ACOX3: variants seen among roughly 807,000 people sequenced by gnomAD.
ACOX3 encodes peroxisomal acyl-coenzyme A oxidase 3.
A neutral mutation model predicts 81.5 loss-of-function variants in ACOX3; 73 were observed. The observed-to-expected ratio is 0.90, with a 90% CI of 0.74 to 1.09. The LOEUF (loss-of-function observed/expected upper bound fraction) is 1.09, where lower values mean the gene tolerates loss of function less well. Ranked by LOEUF, ACOX3 falls within the 50% of genes least tolerant of loss-of-function variation. ACOX3 has a pLI of 0.00. For synonymous variants in ACOX3, 387 were observed against 375.1 expected, an observed-to-expected ratio of 1.03 and a Z score of -0.37; for missense variants, 947 against 928.0, an observed-to-expected ratio of 1.02 and a Z score of -0.27.
chr4:8,358,440 G>C, the ACOX3 span: 1 of 141,692 alleles, frequency 7.1e-6, no homozygotes, highest in Non-Finnish European at 1.5e-5. Context: ...TTGCCAATCA[G>C]GAAATTTTTG....
intron 1 of ACOX3, among the ~76,000 whole-genome samples, chr4:8,427,994 A>C (rs1001300224): frequency 3.9e-5 from 6 of 152,232 alleles, no homozygotes; most frequent in Non-Finnish European, 5.9e-5. Flanking sequence ...GGCTTCTGTC[A>C]TTCACATGAG....
intron 1 of ACOX3, among the ~76,000 whole-genome samples, chr4:8,417,098 G>A (rs939819373): frequency 5.3e-5 from 8 of 152,192 alleles, no homozygotes; most frequent in Non-Finnish European, 1.0e-4. Flanking sequence ...CTGGCTTCCC[G>A]CTAACACAGC....
At chr4:8,395,892 C>T (rs1578915932) in intron 9 of ACOX3, among the ~76,000 whole-genome samples, 1 of 152,270 alleles carries the variant, frequency 6.6e-6, no homozygotes, top group Non-Finnish European at 1.5e-5. Flanking sequence ...TACCTTTATT[C>T]ATGCACAGCT....
chr4:8,356,466 C>A, the ACOX3 span: 1 of 439,440 alleles, frequency 2.3e-6, no homozygotes, highest in Non-Finnish European at 4.6e-6. Flanking sequence ...GTTTGCTAAA[C>A]TTGTACATTC....
At chr4:8,434,165 C>T (rs577714434) in intron 1 of ACOX3, among the ~76,000 whole-genome samples, 14 of 152,290 alleles carry the variant, frequency 9.2e-5, no homozygotes, top group African/African-American at 3.4e-4. Flanking sequence ...TTAGCTGATC[C>T]ATGTAGCCCC....
chr4:8,421,889 C>T (rs1722985129), intron 1 of ACOX3, among the ~76,000 whole-genome samples: 1 of 152,192 alleles, frequency 6.6e-6, no homozygotes, highest in Non-Finnish European at 1.5e-5. Context: ...AATTTCTACC[C>T]AGCTTACCTC....
intron 1 of ACOX3, among the ~76,000 whole-genome samples, chr4:8,440,303 T>C (rs1724537874): frequency 1.3e-5 from 2 of 152,248 alleles, no homozygotes; most frequent in South Asian, 2.1e-4. Context: ...CTGAGGAGTT[T>C]TGTCTGTGGC....
chr4:8,424,605 T>G (rs1351499045), intron 1 of ACOX3, among the ~76,000 whole-genome samples: 3 of 152,356 alleles, frequency 2.0e-5, no homozygotes, highest in Non-Finnish European at 2.9e-5. Context: ...GCATACTCAC[T>G]GCTAAAGGAG....
At position 8,374,003 on chromosome 4, in the gene ACOX3, T is replaced by A; in HGVS notation, c.1829-375A>T. On this transcript the variant is annotated intron_variant, in intron 15 of 17. Transcript: ENST00000356406. The stretch of plus-strand genomic sequence containing the variant: ...CTGGGCAGAGTGAAGCAGGGGTGCA[T>A]GGCAGGGGGCGCAGGGGCGAGGGGG... 1.1e-5 allele frequency: 2 copies of A among 184,814 alleles called. 1 individual carries two copies. Among genetic ancestry groups the A allele is most frequent in the South Asian group, 1.7e-4 (2 of 11,626 alleles). 11.4% of individuals were successfully genotyped at this position (184,814 alleles called of 1,614,324 possible). A position where few individuals can be genotyped will look rare whatever the true frequency, so the allele number is the denominator to read the frequency against.
Position 8,406,249 on chromosome 4 carries a change from T to C in ACOX3, c.688-206A>G, listed in dbSNP as rs966138170. ...ATTTGGAAATAGGGTCCTGCAGATATAATGAATTTAAGAGCATCAAGATAA... is the reference window on the plus strand; with the variant it reads ...ATTTGGAAATAGGGTCCTGCAGATACAATGAATTTAAGAGCATCAAGATAA... On this transcript the variant is annotated intron_variant, in intron 6 of 17. Coordinates refer to ENST00000356406, the MANE Select transcript of ACOX3 (RefSeq NM_003501.3). This position sits in a 1 kb window ranked among gnomAD's most constrained non-coding sequence, Gnocchi z 5.6. 3.9e-5 allele frequency among the ~76,000 whole-genome samples: 6 copies of C among 152,278 alleles called. No individual in the cohort carries two copies. Among genetic ancestry groups the C allele is most frequent in the South Asian group, 4.1e-4 (2 of 4,830 alleles).
In ACOX3 at chr4:8,410,103, G is replaced by A. The variant is rs571145003; in HGVS notation, c.687+109C>T. ...GGCAGTGTCCCTGGTCCACTCACCA[G>A]ATGCCAGAAGCATGCCCCACCCTTG... On this transcript the variant is annotated intron_variant, in intron 6 of 17. Transcript: ENST00000356406. The A allele has an allele frequency of 2.9e-6, 4 of 1,400,010 alleles. No individual in the cohort carries two copies. The East Asian group carries it at 1.0e-4, about 35-fold the overall frequency. The allele number at this position is 1,400,010 out of a possible 1,614,324, so 86.7% of individuals were successfully genotyped here. A position where few individuals can be genotyped will look rare whatever the true frequency, so the allele number is the denominator to read the frequency against.
In ACOX3 at chr4:8,374,964, G is replaced by A. The variant is rs778815774; in HGVS notation, c.1828+14C>T. On this transcript the variant is annotated intron_variant, in intron 15 of 17. Transcript: ENST00000356406. ...CTCTGGGGAGGACAGCAAGCCCGCAGTCAGAAGCCTCACCTCGGTAGAGCA... is the reference window on the plus strand; with the variant it reads ...CTCTGGGGAGGACAGCAAGCCCGCAATCAGAAGCCTCACCTCGGTAGAGCA... 19 of 1,496,400 alleles carry A rather than the reference G, an allele frequency of 1.3e-5. No homozygotes were observed. Among genetic ancestry groups the A allele is most frequent in the Non-Finnish European group, 1.7e-5 (19 of 1,114,862 alleles). The allele number at this position is 1,496,400 out of a possible 1,614,324, so 92.7% of individuals were successfully genotyped here. A position where few individuals can be genotyped will look rare whatever the true frequency, so the allele number is the denominator to read the frequency against.
chr4:8,396,533 C>T (rs556890200), intron 9 of ACOX3, among the ~76,000 whole-genome samples: 3 of 152,086 alleles, frequency 2.0e-5, no homozygotes, highest in South Asian at 2.1e-4. Flanking sequence ...AAAAATTAGC[C>T]GGGCATGGTG....
In ACOX3 at chr4:8,419,806, G is replaced by A. The variant is rs7668289; in HGVS notation, c.-14-3271C>T. On this transcript the variant is annotated intron_variant, in intron 1 of 17. Transcript: ENST00000356406. The surrounding 1 kb of genome is among the most constrained non-coding windows in gnomAD (Gnocchi z 4.2). The stretch of plus-strand genomic sequence containing the variant: ...AGCCTCTCAGCCCTGACCCAGCTTC[G>A]CCTCCTGCACCCCAGTTCCACACTG... Among the ~76,000 whole-genome samples the A allele has an allele frequency of 3.8e-3, 577 of 152,130 alleles. 3 individuals carry two copies. Among genetic ancestry groups the A allele is most frequent in the African/African-American group, 0.013 (547 of 41,478 alleles).
At chr4:8,436,940 C>T (rs74408040) in intron 1 of ACOX3, among the ~76,000 whole-genome samples, 12 of 140,732 alleles carry the variant, frequency 8.5e-5, no homozygotes, top group Admixed American at 2.9e-4. Flanking sequence ...TGCAGTGAGC[C>T]GAGATCACAC....
intron 1 of ACOX3, among the ~76,000 whole-genome samples, chr4:8,435,939 G>A (rs1328039852): frequency 1.3e-5 from 2 of 152,072 alleles, no homozygotes; most frequent in African/African-American, 4.8e-5. Context: ...GGGGAAGATC[G>A]GAGCCTCAAG....
In ACOX3 at chr4:8,423,550, C is replaced by T. The variant is rs963917311; in HGVS notation, c.-14-7015G>A. Among the ~76,000 whole-genome samples, 23 of 152,242 alleles carry T rather than the reference C, an allele frequency of 1.5e-4. No individual in the cohort carries two copies. The highest frequency in any genetic ancestry group is 5.9e-4 in the Admixed American group (9 of 15,290). On this transcript the variant is annotated intron_variant, in intron 1 of 17. Coordinates refer to ENST00000356406, the MANE Select transcript of ACOX3 (RefSeq NM_003501.3). This position sits in a 1 kb window ranked among gnomAD's most constrained non-coding sequence, Gnocchi z 4.2. ...AGGCCTAGTAAAACCATGCAATAGC[C>T]CCTGCAATACTCCAATTTTAGGAGT...
At chr4:8,377,432 C>T (rs1717109195) in intron 14 of ACOX3, among the ~76,000 whole-genome samples, 1 of 152,026 alleles carries the variant, frequency 6.6e-6, no homozygotes, top group South Asian at 2.1e-4. Context: ...TCGCGAGTGC[C>T]AGTGAGTTTT....
At chr4:8,420,086 A>C (rs1054110842) in intron 1 of ACOX3, among the ~76,000 whole-genome samples, 2 of 152,224 alleles carry the variant, frequency 1.3e-5, no homozygotes, top group Non-Finnish European at 2.9e-5. Context: ...TACTATCAGT[A>C]GTCTCCTTTT....
Sources: gnomAD v4.1 joint callset for allele counts (sites outside exome capture counted in the v4.1 genomes callset) on GRCh38, gnomAD v4.1.1 for gene constraint, Gnocchi (gnomAD v3.1) non-coding constraint, MANE v1.5 for transcripts, NCBI Gene and HGNC (gene_info 2026-07-23, HGNC 2026-07-21) for gene names.